Variants in ADAMTS20 observed in about 807,000 individuals in gnomAD.
The protein encoded by ADAMTS20 is ADAM metallopeptidase with thrombospondin type 1 motif 20, also known as A disintegrin and metalloproteinase with thrombospondin motifs 20.
ADAMTS20 carries 225 observed loss-of-function variants against 260.1 expected under a neutral mutation model. That is an observed-to-expected ratio of 0.87 (90% CI 0.78 to 0.97). The LOEUF is 0.97. ADAMTS20 is among the 50% of genes least tolerant of loss of function. ADAMTS20 has a pLI of 0.00. For synonymous variants in ADAMTS20, 802 were observed against 769.5 expected (o/e 1.04, Z -0.70); for missense variants, 2,400 against 2,337.7 (o/e 1.03, Z -0.55).
At position 43,551,207 on chromosome 12, in the gene ADAMTS20, C is replaced by G. The variant is rs757919424; in HGVS notation, c.155G>C (p.Gly52Ala). The G allele has an allele frequency of 1.2e-6, 2 of 1,613,744 alleles. No individual in the cohort carries two copies. The highest frequency in any genetic ancestry group is 1.1e-5 in the South Asian group (1 of 91,086). The change falls in exon 2 of 39, where the codon GGA becomes GCA. Residue 52 changes from glycine (G) to alanine (A), a missense_variant. By Grantham distance (60) the Gly-to-Ala change is moderately conservative. Coordinates refer to ENST00000389420, the MANE Select transcript of ADAMTS20 (RefSeq NM_025003.5). The surrounding 1 kb of genome is among the most constrained non-coding windows in gnomAD (Gnocchi z 4.6). Reference sequence around the variant, plus strand: ...GTGGTGGCTCTGAGGGAACACTTCTCCAAACTCATTGACCCGCTCGGGGAT... The same window carrying G: ...GTGGTGGCTCTGAGGGAACACTTCTGCAAACTCATTGACCCGCTCGGGGAT... Reference protein sequence around the residue: ...VVIPERVNEFGEVFPQSHHFS... With the variant: ...VVIPERVNEFAEVFPQSHHFS...
At chr12:43,357,771 T>G (rs1002446146) in intron 37 of ADAMTS20, among the ~76,000 whole-genome samples, 1 of 152,204 alleles carries the variant, frequency 6.6e-6, no homozygotes, top group Non-Finnish European at 1.5e-5. Flanking sequence ...TCAATAAGTG[T>G]TTTTGAATGG....
At chr12:43,421,241 A>C (rs1941228039) in intron 28 of ADAMTS20, among the ~76,000 whole-genome samples, 2 of 146,552 alleles carry the variant, frequency 1.4e-5, no homozygotes, top group Non-Finnish European at 3.0e-5. Context: ...CACAAAGTGA[A>C]TGCGCCAGAA....
At chr12:43,382,614 G>A (rs1182136601) in intron 31 of ADAMTS20, among the ~76,000 whole-genome samples, 3 of 151,962 alleles carry the variant, frequency 2.0e-5, no homozygotes, top group African/African-American at 7.3e-5. Context: ...TTATAAACAT[G>A]TGCATAGATG....
intron 11 of ADAMTS20, among the ~76,000 whole-genome samples, chr12:43,460,629 G>A (rs951563645): frequency 6.6e-6 from 1 of 151,886 alleles, no homozygotes; most frequent in Non-Finnish European, 1.5e-5. Flanking sequence ...ACTTGTACAG[G>A]GATGTTCATG....
intron 18 of ADAMTS20, among the ~76,000 whole-genome samples, chr12:43,438,366 T>C (rs1941596849): frequency 6.6e-6 from 1 of 152,198 alleles, no homozygotes; most frequent in African/African-American, 2.4e-5. Flanking sequence ...CAGATTCCAA[T>C]TATCTTCTAA....
At chr12:43,501,055 CTTTTTTT>C (rs79075751) in intron 4 of ADAMTS20, among the ~76,000 whole-genome samples, 2 of 104,876 alleles carry the variant, frequency 1.9e-5, no homozygotes, top group Non-Finnish European at 1.8e-5. Context: ...CTATGTAATT[CTTTTTTT>C]TTTTTTTTTT....
rs190914632 is a variant in ADAMTS20, at chr12:43,435,764, T to C, written c.2594-1393A>G. ...CCATAGCCAATTAGCAGCCAAAACA[T>C]GACATGAGCAATAAATAAACCTTTA... On this transcript the variant is annotated intron_variant, in intron 18 of 38. Coordinates refer to ENST00000389420, the MANE Select transcript of ADAMTS20 (RefSeq NM_025003.5). Among the ~76,000 whole-genome samples, 70 of 149,952 alleles carry C rather than the reference T, an allele frequency of 4.7e-4. 2 individuals are homozygous for C. Among genetic ancestry groups the C allele is most frequent in the Admixed American group, 4.3e-3 (65 of 15,108 alleles).
At chr12:43,502,708 A>C (rs1404819754) in intron 3 of ADAMTS20, among the ~76,000 whole-genome samples, 4 of 152,144 alleles carry the variant, frequency 2.6e-5, no homozygotes, top group African/African-American at 7.2e-5. Context: ...ATTAACTACC[A>C]AGTAGAAAAT....
At position 43,551,279 on chromosome 12, in the gene ADAMTS20, A is replaced by C; in HGVS notation, c.92-9T>G. 1 of 1,607,406 alleles carries C rather than the reference A, an allele frequency of 6.2e-7. No homozygotes were observed. Among genetic ancestry groups the C allele is most frequent in the South Asian group, 1.1e-5 (1 of 90,636 alleles). On this transcript the variant is annotated splice_polypyrimidine_tract_variant and intron_variant, in intron 1 of 38. Transcript: ENST00000389420. This position sits in a 1 kb window ranked among gnomAD's most constrained non-coding sequence, Gnocchi z 4.6. ...TGTCCTCACCAGGGCTTCTGCAACA[A>C]CAGCGACAGGACCAGTGAGCTCCCA...
intron 3 of ADAMTS20, among the ~76,000 whole-genome samples, chr12:43,528,418 C>T (rs1266328872): frequency 8.2e-6 from 1 of 122,006 alleles, no homozygotes; most frequent in Non-Finnish European, 1.6e-5. Context: ...AATTATACTA[C>T]AAGGCTATAG....
chr12:43,551,079 C>T lies in ADAMTS20; in HGVS notation c.283G>A (p.Ala95Thr). 2 of 1,613,808 alleles carry T rather than the reference C, an allele frequency of 1.2e-6. No homozygotes were observed. The highest frequency in any genetic ancestry group is 1.7e-6 in the Non-Finnish European group (2 of 1,179,844). Reference protein sequence around the residue: ...YGQLFQLNLTADASFLAAGYT... With the variant: ...YGQLFQLNLTTDASFLAAGYT... ...CCGGCGGCCAGAAAGGATGCATCGG[C>T]GGTCAGGTTCAGCTGGAAGAGCTGC... The change falls in exon 2 of 39, where the codon GCC becomes ACC. Residue 95 changes from alanine (A) to threonine (T), a missense_variant. Transcript: ENST00000389420. This position sits in a 1 kb window ranked among gnomAD's most constrained non-coding sequence, Gnocchi z 4.6.
chr12:43,550,387 C>T (rs550049864), intron 2 of ADAMTS20, among the ~76,000 whole-genome samples: 2 of 152,318 alleles, frequency 1.3e-5, no homozygotes, highest in South Asian at 2.1e-4. Flanking sequence ...TCAACCTCTT[C>T]CCTACTCTAC....
intron 28 of ADAMTS20, 105 bp from the exon 29 acceptor site, chr12:43,399,338 AT>A (rs1266360377): frequency 9.8e-7 from 1 of 1,025,292 alleles, no homozygotes; most frequent in Non-Finnish European, 1.3e-6. Flanking sequence ...TTCCTTTGAT[AT>A]TTTTATGAAG....
At chr12:43,428,587 A>G in intron 25 of ADAMTS20, 48 bp downstream of exon 25, 1 of 1,467,140 alleles carries the variant, frequency 6.8e-7, no homozygotes. Context: ...TTTAATATCA[A>G]ATATATTTAA....
At chr12:43,476,992 T>TAA (rs3990496) in intron 7 of ADAMTS20, among the ~76,000 whole-genome samples, 1 of 90,866 alleles carries the variant, frequency 1.1e-5, no homozygotes, top group Non-Finnish European at 2.4e-5. Context: ...ACTTAAAGTA[T>TAA]AAAAAAAAAA....
chr12:43,500,879 T>G (rs1420263211), intron 4 of ADAMTS20, among the ~76,000 whole-genome samples: 2 of 152,254 alleles, frequency 1.3e-5, no homozygotes, highest in East Asian at 3.9e-4. Context: ...CTTATGATCT[T>G]CATGTCACAA....
At chr12:43,375,172 C>CTA (rs1940194912) in intron 36 of ADAMTS20, among the ~76,000 whole-genome samples, 1 of 62,312 alleles carries the variant, frequency 1.6e-5, no homozygotes, top group Non-Finnish European at 2.8e-5. Context: ...AACTGCGTCT[C>CTA]AAAAAAAAAA....
chr12:43,439,839 C>A, intron 17 of ADAMTS20, 58 bp downstream of exon 17: 1 of 1,559,458 alleles, frequency 6.4e-7, no homozygotes, highest in Non-Finnish European at 8.7e-7. Flanking sequence ...AAGCACTTAA[C>A]CAGTAGTTTA....
intron 24 of ADAMTS20, 111 bp downstream of exon 24, chr12:43,429,506 C>A: frequency 1.3e-6 from 1 of 760,188 alleles, no homozygotes; most frequent in South Asian, 2.1e-5. Context: ...TTGATGCCAT[C>A]AAAATACCTG....
Sources: gnomAD v4.1 joint callset for allele counts (sites outside exome capture counted in the v4.1 genomes callset) on GRCh38, gnomAD v4.1.1 for gene constraint, Gnocchi (gnomAD v3.1) non-coding constraint, MANE v1.5 for transcripts, NCBI Gene and HGNC (gene_info 2026-07-23, HGNC 2026-07-21) for gene names.